The following PKHD1L1 variants were observed in gnomAD, a reference collection of about 807,000 sequenced individuals.
PKHD1L1 encodes the protein PKHD1 like 1.
Under a neutral mutation model 462.9 loss-of-function variants are expected in PKHD1L1, and 434 were observed. The observed-to-expected ratio is 0.94, with a 90% CI of 0.87 to 1.02. The LOEUF (loss-of-function observed/expected upper bound fraction) is 1.02. Among genes scored for constraint, PKHD1L1 ranks in the 50% least tolerant of loss-of-function variants. The pLI, the probability that PKHD1L1 is intolerant of heterozygous loss-of-function variation, is 0.00. For synonymous variants in PKHD1L1, 1,781 were observed against 1,750.0 expected, an observed-to-expected ratio of 1.02 and a Z score of -0.44; for missense variants, 5,202 against 5,096.1, an observed-to-expected ratio of 1.02 and a Z score of -0.63.
intron 2 of PKHD1L1, among the ~76,000 whole-genome samples, chr8:109,373,197 A>C (rs2130355213): frequency 6.6e-6 from 1 of 152,290 alleles, no homozygotes; most frequent in African/African-American, 2.4e-5. Context: ...TTATTGGTCT[A>C]TTCAGAGATT....
intron 36 of PKHD1L1, 54 bp downstream of exon 36, chr8:109,443,170 GATA>G: frequency 6.5e-7 from 1 of 1,535,258 alleles, no homozygotes; most frequent in Admixed American, 1.7e-5. Context: ...GGGTGTATGT[GATA>G]TTTCTGGAGC....
intron 47 of PKHD1L1, among the ~76,000 whole-genome samples, chr8:109,461,097 T>C (rs1022831905): frequency 6.6e-5 from 10 of 152,224 alleles, no homozygotes; most frequent in Non-Finnish European, 8.8e-5. Flanking sequence ...ACAGTTCTCA[T>C]ATCTATAGCA....
intron 72 of PKHD1L1, among the ~76,000 whole-genome samples, chr8:109,517,613 T>C (rs1442710064): frequency 2.0e-5 from 3 of 152,082 alleles, no homozygotes; most frequent in African/African-American, 7.2e-5. Context: ...CCAAACATTT[T>C]TCAGGCTGAA....
intron 32 of PKHD1L1, among the ~76,000 whole-genome samples, chr8:109,439,996 G>A (rs75677985): frequency 0.03 from 4,627 of 152,126 alleles, 217 homozygotes; most frequent in African/African-American, 0.11. Flanking sequence ...ACCATATAAT[G>A]GGTGAAATTG....
At chr8:109,406,101 A>T (rs1047794414) in intron 16 of PKHD1L1, among the ~76,000 whole-genome samples, 1 of 152,244 alleles carries the variant, frequency 6.6e-6, no homozygotes, top group Non-Finnish European at 1.5e-5. Context: ...CTGTGGGAAT[A>T]TTAAAACAAT....
intron 14 of PKHD1L1, 92 bp downstream of exon 14, chr8:109,401,680 G>A: frequency 3.3e-6 from 2 of 602,236 alleles, no homozygotes; most frequent in Non-Finnish European, 5.5e-6. Context: ...TTTATTGGTG[G>A]AAGTGATATT....
intron 2 of PKHD1L1, among the ~76,000 whole-genome samples, chr8:109,374,249 T>G (rs936340120): frequency 1.3e-5 from 2 of 152,232 alleles, no homozygotes; most frequent in Non-Finnish European, 2.9e-5. Context: ...CCTTTACCAT[T>G]ATGTAATGGC....
intron 67 of PKHD1L1, 145 bp from the exon 68 acceptor site, chr8:109,504,182 A>G (rs1409178708): frequency 2.0e-6 from 1 of 487,938 alleles, no homozygotes; most frequent in Non-Finnish European, 3.5e-6. Flanking sequence ...GCTACAACAA[A>G]TAGTGGTAGA....
In PKHD1L1 at chr8:109,490,975, C is replaced by G. The variant is rs776713678; in HGVS notation, c.9988C>G (p.Gln3330Glu). The change falls in exon 61 of 78, where the codon CAA becomes GAA. Residue 3330 changes from glutamine (Q) to glutamate (E), a missense_variant. By Grantham distance (29) the Gln-to-Glu change is conservative. Coordinates refer to ENST00000378402, the MANE Select transcript of PKHD1L1 (RefSeq NM_177531.6). The stretch of plus-strand genomic sequence containing the variant: ...TCTGTATCCCAATGTTGTATAGATT[C>G]AAGAACATGGCTCATCTTATATTCG... Reference protein sequence around the residue: ...AVTFLNLGQIQEHGSSYIRGC... With the variant: ...AVTFLNLGQIEEHGSSYIRGC... The G allele has an allele frequency of 6.2e-7, 1 of 1,603,350 alleles. No homozygotes were observed. Among genetic ancestry groups the G allele is most frequent in the Non-Finnish European group, 8.5e-7 (1 of 1,172,914 alleles).
Position 109,507,858 on chromosome 8 carries a change from A to G in PKHD1L1, c.11190A>G (p.Gly3730=), listed in dbSNP as rs764199843. 9.9e-6 allele frequency: 16 copies of G among 1,613,620 alleles called. No homozygotes were observed. In the South Asian group the frequency reaches 1.5e-4, roughly 16 times the overall value. Reference sequence around the variant, plus strand: ...AGGCGATGCTCACATTCTTGAATGGAAGTAGAATTCCTGTCACTGAGAAAG... The same window carrying G: ...AGGCGATGCTCACATTCTTGAATGGGAGTAGAATTCCTGTCACTGAGAAAG... ...IPKAMLTFLN[G]SRIPVTEKAP... is the part of the protein sequence containing the mutation. The change falls in exon 69 of 78, where the codon GGA becomes GGG. Residue 3730 remains glycine (G), a synonymous_variant. Coordinates refer to ENST00000378402, the MANE Select transcript of PKHD1L1 (RefSeq NM_177531.6).
intron 1 of PKHD1L1, among the ~76,000 whole-genome samples, chr8:109,363,112 G>C (rs1811060609): frequency 1.3e-5 from 2 of 152,112 alleles, no homozygotes; most frequent in Non-Finnish European, 1.5e-5. Context: ...TCATTTCCAG[G>C]GGCAGCTGCC....
At chr8:109,480,503 C>G (rs770268994) in intron 55 of PKHD1L1, 2 of 432,500 alleles carry the variant, frequency 4.6e-6, no homozygotes, top group Non-Finnish European at 9.1e-6. Flanking sequence ...TTAAATAAAA[C>G]AAACAGTATT....
intron 51 of PKHD1L1, among the ~76,000 whole-genome samples, chr8:109,476,124 C>T (rs891784851): frequency 6.6e-6 from 1 of 151,768 alleles, no homozygotes; most frequent in Admixed American, 6.6e-5. Flanking sequence ...ATATTGTCTA[C>T]AATTTTATCT....
chr8:109,404,969 A>T, intron 15 of PKHD1L1, 26 bp from the exon 16 acceptor site: 1 of 1,378,158 alleles, frequency 7.3e-7, no homozygotes, highest in Non-Finnish European at 9.7e-7. Context: ...TTCATATATT[A>T]AAAATGTTTC....
At chr8:109,425,291 A>G (rs1337916630) in intron 24 of PKHD1L1, 59 bp downstream of exon 24, 37 of 1,326,490 alleles carry the variant, frequency 2.8e-5, no homozygotes, top group Non-Finnish European at 3.6e-5. Flanking sequence ...ATAACCTTAT[A>G]AAGTGTTAAA....
chr8:109,532,238 CCA>C lies in PKHD1L1; in HGVS notation c.*2153_*2154del, dbSNP rs33933966. 0.76 allele frequency among the ~76,000 whole-genome samples: 114,174 copies of C among 150,788 alleles called. 43,773 individuals carry two copies. Among genetic ancestry groups the C allele is most frequent in the Middle Eastern group, 0.93 (273 of 294 alleles). On this transcript the variant is annotated 3_prime_UTR_variant, in exon 78 of 78. Coordinates refer to ENST00000378402, the MANE Select transcript of PKHD1L1 (RefSeq NM_177531.6). ...GGAATTTCTAAAAATTGCTTCTTAG[CCA>C]CACAGACTTTGTTAAAAAGTTCCTG... is the stretch of plus-strand genomic sequence containing the variant.
intron 9 of PKHD1L1, among the ~76,000 whole-genome samples, chr8:109,393,965 G>T (rs570603419): frequency 6.6e-6 from 1 of 151,750 alleles, no homozygotes; most frequent in East Asian, 1.9e-4. Flanking sequence ...CGAGGTTAAG[G>T]GATCGAGACC....
intron 53 of PKHD1L1, among the ~76,000 whole-genome samples, chr8:109,478,145 A>G (rs993932981): frequency 3.9e-5 from 6 of 152,204 alleles, no homozygotes; most frequent in African/African-American, 1.4e-4. Context: ...CTGTGTAACA[A>G]GTACAACTCA....
At position 109,383,557 on chromosome 8, in the gene PKHD1L1, G is replaced by A. The variant is rs572055633; in HGVS notation, c.418-513G>A. ...GTTGTCAATTACTGAGTAGTACAAT[G>A]TTCTAATATAAGATGAAATACTGAA... On this transcript the variant is annotated intron_variant, in intron 4 of 77. Transcript: ENST00000378402. Among the ~76,000 whole-genome samples the A allele has an allele frequency of 1.8e-3, 261 of 146,678 alleles. 1 individual carries two copies. The highest frequency in any genetic ancestry group is 7.6e-3 in the South Asian group (36 of 4,744).
Sources: gnomAD v4.1 joint callset for allele counts (sites outside exome capture counted in the v4.1 genomes callset) on GRCh38, gnomAD v4.1.1 for gene constraint, MANE v1.5 for transcripts, NCBI Gene and HGNC (gene_info 2026-07-23, HGNC 2026-07-21) for gene names.